The following SCML4 variants were observed in gnomAD, a reference collection of about 807,000 sequenced individuals.
SCML4 encodes the protein sex comb on midleg-like protein 4.
In SCML4, 34 loss-of-function variants were observed where a neutral mutation model predicts 41.1. The ratio of observed to expected loss-of-function variants is 0.83; its 90% CI spans 0.63 to 1.10. SCML4 has a LOEUF of 1.10. Ranked by LOEUF, SCML4 falls within the 50% of genes least tolerant of loss-of-function variation. The pLI is 0.00. For synonymous variants in SCML4, 214 were observed against 220.9 expected (o/e 0.97, Z 0.28); for missense variants, 522 against 534.1 (o/e 0.98, Z 0.22).
intron 2 of SCML4, among the ~76,000 whole-genome samples, chr6:107,771,596 T>C (rs978786620): frequency 6.6e-6 from 1 of 152,232 alleles, no homozygotes; most frequent in Non-Finnish European, 1.5e-5. Flanking sequence ...TTGCCTGATA[T>C]GCCTCCTTGT....
chr6:107,795,478 C>T (rs9400146), intron 1 of SCML4, among the ~76,000 whole-genome samples: 64,656 of 152,030 alleles, frequency 0.43, 16,034 homozygotes, highest in East Asian at 0.7. Context: ...TATACACCAA[C>T]GTAACTCATT....
rs1780578882 is a variant in SCML4 at position 107,772,225 on chromosome 6, A to G, written c.103T>C (p.Ser35Pro). ...TTTGGGATCTTCACTGCTGGTAAAG[A>G]GCCAGCTGAAGCAGAATAAAGGTTA... Reference protein sequence around the residue: ...VHNLYSASAGSLPAVKIPKKR... With the variant: ...VHNLYSASAGPLPAVKIPKKR... The change falls in exon 2 of 8, where the codon TCT (serine) becomes CCT (proline). Residue 35 changes from serine to proline, a missense_variant. Physicochemically the swap from Ser to Pro is moderately conservative, Grantham distance 74. Coordinates refer to ENST00000369020, the MANE Select transcript of SCML4 (RefSeq NM_198081.5). 1 of 1,551,650 alleles carries G rather than the reference A, an allele frequency of 6.4e-7. No individual in the cohort carries two copies. The highest frequency in any genetic ancestry group is 1.4e-5 in the African/African-American group (1 of 73,156).
intron 2 of SCML4, among the ~76,000 whole-genome samples, chr6:107,758,527 G>A (rs1022035545): frequency 6.6e-6 from 1 of 152,156 alleles, no homozygotes; most frequent in African/African-American, 2.4e-5. Context: ...TTAGACATAG[G>A]GTCTTTGCAG....
At chr6:107,797,816 A>C (rs1782820232) in intron 1 of SCML4, among the ~76,000 whole-genome samples, 1 of 151,808 alleles carries the variant, frequency 6.6e-6, no homozygotes, top group Admixed American at 6.6e-5. Context: ...GTATCCTAAG[A>C]GGTTTTTTTA....
intron 2 of SCML4, among the ~76,000 whole-genome samples, chr6:107,770,772 T>G (rs1780451258): frequency 6.6e-6 from 1 of 152,202 alleles, no homozygotes; most frequent in Non-Finnish European, 1.5e-5. Flanking sequence ...CTGAGTCTGT[T>G]GGTAATTTTC....
chr6:107,837,668 G>T, the SCML4 span, among the ~76,000 whole-genome samples: 3 of 152,094 alleles, frequency 2.0e-5, no homozygotes, highest in South Asian at 6.2e-4. Flanking sequence ...GGAGTGCAGG[G>T]TCTTTTTCCA....
rs79200647 is a variant in SCML4 at position 107,757,107 on chromosome 6, C to T, written c.157-7294G>A. On this transcript the variant is annotated intron_variant, in intron 2 of 7. Coordinates refer to ENST00000369020, the MANE Select transcript of SCML4 (RefSeq NM_198081.5). ...AAGTGTCCCTACCAGCTGGAGTCTC[C>T]ACCAGGGGGGCTGGGGAATCTGGAA... 6.3e-3 allele frequency among the ~76,000 whole-genome samples: 955 copies of T among 152,326 alleles called. 7 individuals are homozygous for T. Among genetic ancestry groups the T allele is most frequent in the Non-Finnish European group, 0.01 (700 of 68,024 alleles).
Position 107,749,138 on chromosome 6 carries a change from A to G in SCML4, c.286+546T>C, listed in dbSNP as rs571422214. Among the ~76,000 whole-genome samples the G allele has an allele frequency of 5.0e-3, 766 of 151,946 alleles. 11 individuals carry two copies. In the East Asian group the frequency reaches 0.063, roughly 12 times the overall value. ...TGTGTGTGCGCGTGTGTGTGTGTGCATGTGCGTGTGTGTGAGAGAGAGATA... is the reference window on the plus strand; with the variant it reads ...TGTGTGTGCGCGTGTGTGTGTGTGCGTGTGCGTGTGTGTGAGAGAGAGATA... On this transcript the variant is annotated intron_variant, in intron 3 of 7. Transcript: ENST00000369020.
intron 2 of SCML4, among the ~76,000 whole-genome samples, chr6:107,753,091 C>T (rs375570918): frequency 1.8e-4 from 28 of 151,960 alleles, no homozygotes; most frequent in Non-Finnish European, 3.8e-4. Context: ...CCCCACAATG[C>T]GATACCACCT....
intron 1 of SCML4, among the ~76,000 whole-genome samples, chr6:107,798,050 C>T (rs1389057881): frequency 6.6e-6 from 1 of 151,916 alleles, no homozygotes; most frequent in Non-Finnish European, 1.5e-5. Flanking sequence ...TTTGCATATA[C>T]ATGCATGAAG....
the SCML4 span, among the ~76,000 whole-genome samples, chr6:107,831,675 G>A: frequency 2.6e-5 from 4 of 152,280 alleles, no homozygotes; most frequent in Admixed American, 2.6e-4. Flanking sequence ...TCCCAGCACT[G>A]TGGGAGGCCA....
chr6:107,804,831 G>A (rs776142850), intron 1 of SCML4, among the ~76,000 whole-genome samples: 6 of 152,296 alleles, frequency 3.9e-5, no homozygotes, highest in Middle Eastern at 3.4e-3. Context: ...TTAGCCAGGC[G>A]TGATGGTGTG....
At chr6:107,791,733 C>T (rs768625199) in intron 1 of SCML4, among the ~76,000 whole-genome samples, 2 of 152,068 alleles carry the variant, frequency 1.3e-5, no homozygotes, top group Non-Finnish European at 2.9e-5. Context: ...GCAGAAAGAT[C>T]ACTTGAGCCC....
intron 2 of SCML4, among the ~76,000 whole-genome samples, chr6:107,762,616 G>A (rs982296943): frequency 1.3e-5 from 2 of 152,150 alleles, no homozygotes; most frequent in African/African-American, 4.8e-5. Context: ...AATATGGACG[G>A]AGAGGCAGAC....
At chr6:107,782,492 C>T (rs1223442604) in intron 1 of SCML4, among the ~76,000 whole-genome samples, 4 of 152,268 alleles carry the variant, frequency 2.6e-5, no homozygotes, top group East Asian at 1.9e-4. Context: ...AGGCCTTACC[C>T]GGCACTGTGG....
At chr6:107,761,731 C>A (rs1285361347) in intron 2 of SCML4, among the ~76,000 whole-genome samples, 1 of 151,984 alleles carries the variant, frequency 6.6e-6, no homozygotes, top group Non-Finnish European at 1.5e-5. Flanking sequence ...GCCACTATAC[C>A]CGGCAAAATA....
chr6:107,708,886 C>T (rs1483088591), intron 6 of SCML4, among the ~76,000 whole-genome samples: 1 of 152,178 alleles, frequency 6.6e-6, no homozygotes, highest in Non-Finnish European at 1.5e-5. Flanking sequence ...ATGTCCCAAA[C>T]TAATTCATCC....
intron 1 of SCML4, among the ~76,000 whole-genome samples, chr6:107,776,090 G>T (rs1163709489): frequency 1.3e-5 from 2 of 152,078 alleles, no homozygotes; most frequent in Non-Finnish European, 2.9e-5. Context: ...TCGGAATGGG[G>T]ATGAGCTTTC....
At chr6:107,722,739 A>C (rs1036909083) in intron 5 of SCML4, among the ~76,000 whole-genome samples, 3 of 152,202 alleles carry the variant, frequency 2.0e-5, no homozygotes, top group African/African-American at 7.2e-5. Flanking sequence ...ATAGTTGGGG[A>C]TGGATGTGGA....
Sources: gnomAD v4.1 joint callset for allele counts (sites outside exome capture counted in the v4.1 genomes callset) on GRCh38, gnomAD v4.1.1 for gene constraint, MANE v1.5 for transcripts, NCBI Gene and HGNC (gene_info 2026-07-23, HGNC 2026-07-21) for gene names.